The following UTY variants were observed in gnomAD, a reference collection of about 807,000 sequenced individuals.
UTY encodes ubiquitously transcribed tetratricopeptide repeat containing, Y-linked.
A neutral mutation model predicts 32.5 loss-of-function variants in UTY; 12 were observed. The observed-to-expected ratio is 0.37, with a 90% CI of 0.24 to 0.60. UTY has a LOEUF of 0.60. Ranked by LOEUF, UTY falls within the 20% of genes least tolerant of loss-of-function variation. The pLI is 0.69. For synonymous variants in UTY, 131 were observed against 103.4 expected (o/e 1.27, Z -1.62); for missense variants, 303 against 299.2 (o/e 1.01, Z -0.09).
chrY:13,374,946 CA>C (rs2065276027), intron 8 of UTY, among the ~76,000 whole-genome samples: 1 of 34,466 alleles, frequency 2.9e-5, no homozygotes, highest in African/African-American at 1.1e-4. Flanking sequence ...CCTACCTCAA[CA>C]GGGAATAAAC....
At chrY:13,257,761 T>C (rs2054888366) in intron 28 of UTY, among the ~76,000 whole-genome samples, 1 of 32,314 alleles carries the variant, frequency 3.1e-5, no homozygotes, top group East Asian at 8.3e-4. Flanking sequence ...TCCGGGAGGA[T>C]CCTGAGGATC....
chrY:13,302,377 A>G (rs111360254), intron 25 of UTY, among the ~76,000 whole-genome samples: 2,397 of 33,649 alleles, frequency 0.071, no homozygotes, highest in Non-Finnish European at 0.11. Context: ...ATAAAAAACA[A>G]TTTACTCTCT....
chrY:13,384,840 A>C (rs1001011994), intron 8 of UTY, among the ~76,000 whole-genome samples: 4 of 33,554 alleles, frequency 1.2e-4, no homozygotes, highest in Non-Finnish European at 2.2e-4. Flanking sequence ...AATACGAAGA[A>C]AGACAACTGT....
At chrY:13,307,610 G>A in intron 21 of UTY, among the ~76,000 whole-genome samples, 4 of 33,016 alleles carry the variant, frequency 1.2e-4, no homozygotes, top group African/African-American at 4.8e-4. Flanking sequence ...TACTTCAAAG[G>A]ACACTAACAG....
At chrY:13,461,512 A>C (rs1003855347) in intron 3 of UTY, among the ~76,000 whole-genome samples, 1 of 33,522 alleles carries the variant, frequency 3.0e-5, no homozygotes, top group Non-Finnish European at 7.4e-5. Flanking sequence ...CCGGTAATGG[A>C]TATATAACAG....
At chrY:13,473,592 G>A in intron 2 of UTY, among the ~76,000 whole-genome samples, 3 of 32,959 alleles carry the variant, frequency 9.1e-5, no homozygotes, top group South Asian at 6.6e-4. Context: ...CTGCTAATCT[G>A]TTTTTGTATC....
At chrY:13,284,927 C>T in intron 27 of UTY, among the ~76,000 whole-genome samples, 1 of 34,389 alleles carries the variant, frequency 2.9e-5, no homozygotes, top group South Asian at 6.4e-4. Context: ...GTCCTCCAGT[C>T]GACCAGGTGT....
intron 4 of UTY, among the ~76,000 whole-genome samples, chrY:13,421,052 A>G: frequency 3.0e-5 from 1 of 33,585 alleles, no homozygotes; most frequent in African/African-American, 1.2e-4. Context: ...ACCCCATTAG[A>G]AAGTGGGCAA....
intron 8 of UTY, among the ~76,000 whole-genome samples, chrY:13,383,073 G>A: frequency 4.6e-4 from 15 of 32,338 alleles, no homozygotes; most frequent in Non-Finnish European, 7.5e-5. Context: ...GGCCAAGGCC[G>A]GACGATCAAT....
At chrY:13,408,577 TA>T (rs2070397835) in intron 6 of UTY, among the ~76,000 whole-genome samples, 1 of 32,592 alleles carries the variant, frequency 3.1e-5, no homozygotes, top group Admixed American at 2.8e-4. Context: ...ACTAACCAAC[TA>T]AAGAAAACTG....
At chrY:13,422,770 G>A in intron 4 of UTY, among the ~76,000 whole-genome samples, 5 of 33,551 alleles carry the variant, frequency 1.5e-4, no homozygotes, top group African/African-American at 2.3e-4. Flanking sequence ...AAGAGATCTT[G>A]AGACAGAATT....
chrY:13,332,293 G>GA (rs2060746210), intron 18 of UTY, among the ~76,000 whole-genome samples: 1 of 33,169 alleles, frequency 3.0e-5, no homozygotes, highest in Non-Finnish European at 7.4e-5. Flanking sequence ...AGAGATACAA[G>GA]AAAAAAACAA....
intron 27 of UTY, among the ~76,000 whole-genome samples, chrY:13,263,098 A>G (rs774267114): frequency 1.8e-4 from 6 of 33,241 alleles, no homozygotes; most frequent in Non-Finnish European, 3.0e-4. Context: ...CACTACAGAA[A>G]CAAATAGCTG....
At chrY:13,394,742 T>A in intron 7 of UTY, among the ~76,000 whole-genome samples, 1 of 33,685 alleles carries the variant, frequency 3.0e-5, no homozygotes. Context: ...CATGAAATTC[T>A]GACATCCCTT....
At chrY:13,268,365 T>C (rs2056023985) in intron 27 of UTY, among the ~76,000 whole-genome samples, 1 of 33,897 alleles carries the variant, frequency 3.0e-5, no homozygotes, top group African/African-American at 1.2e-4. Context: ...GCTGTGTTTT[T>C]CAGCTCCATC....
chrY:13,340,971 G>C, intron 17 of UTY, among the ~76,000 whole-genome samples: 1 of 33,036 alleles, frequency 3.0e-5, no homozygotes, highest in Non-Finnish European at 7.4e-5. Context: ...TACAAAGTTT[G>C]CAACGGTATT....
At chrY:13,306,779 C>T in intron 21 of UTY, among the ~76,000 whole-genome samples, 1 of 32,845 alleles carries the variant, frequency 3.0e-5, no homozygotes, top group Non-Finnish European at 7.5e-5. Flanking sequence ...CAGCTCACTG[C>T]AACCTCTGCC....
At chrY:13,293,868 G>A (rs2057888985) in intron 27 of UTY, among the ~76,000 whole-genome samples, 1 of 33,206 alleles carries the variant, frequency 3.0e-5, no homozygotes, top group African/African-American at 1.2e-4. Context: ...GGTAATAAAC[G>A]TAACCAAAGA....
At chrY:13,294,427 A>G in intron 27 of UTY, among the ~76,000 whole-genome samples, 1 of 34,144 alleles carries the variant, frequency 2.9e-5, no homozygotes, top group Admixed American at 2.6e-4. Context: ...CTCAACTGTC[A>G]TCTCATATTA....
Sources: allele counts gnomAD v4.1 joint callset (sites outside exome capture counted in the v4.1 genomes callset), GRCh38; gene constraint gnomAD v4.1.1; transcripts MANE v1.5; gene names NCBI Gene and HGNC (gene_info 2026-07-23, HGNC 2026-07-21).